Variants in FAM193A observed in about 807,000 individuals in gnomAD.
The protein encoded by FAM193A is family with sequence similarity 193 member A.
FAM193A carries 22 observed loss-of-function variants against 126.5 expected under a neutral mutation model. The ratio of observed to expected loss-of-function variants is 0.17; its 90% CI spans 0.12 to 0.25. The LOEUF is 0.25. FAM193A is among the 10% of genes least tolerant of loss of function. FAM193A has a pLI of 1.00. For synonymous variants in FAM193A, 761 were observed against 646.8 expected (o/e 1.18, Z -2.68); for missense variants, 1,675 against 1,672.8 (o/e 1.00, Z -0.02).
intron 1 of FAM193A, among the ~76,000 whole-genome samples, chr4:2,574,053 T>C (rs759249186): frequency 2.6e-5 from 4 of 152,236 alleles, no homozygotes; most frequent in Middle Eastern, 3.4e-3. Flanking sequence ...TATTGTGTTA[T>C]GAGGGGATTG....
chr4:2,574,550 C>G (rs1180376504), intron 1 of FAM193A, among the ~76,000 whole-genome samples: 1 of 152,064 alleles, frequency 6.6e-6, no homozygotes, highest in Non-Finnish European at 1.5e-5. Flanking sequence ...TATTGACGGT[C>G]ATGGATGTGG....
At chr4:2,676,975 C>G (rs1714486869) in intron 13 of FAM193A, among the ~76,000 whole-genome samples, 1 of 152,084 alleles carries the variant, frequency 6.6e-6, no homozygotes, top group East Asian at 1.9e-4. Flanking sequence ...TCCAATTTGT[C>G]TATTCTTTGT....
At chr4:2,609,143 C>T (rs111379769) in intron 2 of FAM193A, among the ~76,000 whole-genome samples, 31 of 152,156 alleles carry the variant, frequency 2.0e-4, no homozygotes, top group African/African-American at 6.5e-4. Context: ...CCACCCGCCT[C>T]GGCCTTCCAA....
At chr4:2,554,125 C>T (rs1173258620) in intron 1 of FAM193A, among the ~76,000 whole-genome samples, 8 of 152,208 alleles carry the variant, frequency 5.3e-5, no homozygotes, top group African/African-American at 1.9e-4. Context: ...TACTCTGTCA[C>T]CCAGGCTGGA....
intron 1 of FAM193A, among the ~76,000 whole-genome samples, chr4:2,586,928 C>T (rs983611018): frequency 3.9e-5 from 6 of 152,208 alleles, no homozygotes; most frequent in Admixed American, 2.6e-4. Flanking sequence ...GCTGGGATTA[C>T]AGGAGTCAGC....
intron 1 of FAM193A, among the ~76,000 whole-genome samples, chr4:2,572,623 G>A (rs779974466): frequency 3.3e-5 from 5 of 152,108 alleles, no homozygotes; most frequent in Non-Finnish European, 7.3e-5. Context: ...ACAGCCTGGT[G>A]TGGGAGGCGA....
At chr4:2,731,243 C>T (rs928479759) in intron 20 of FAM193A, among the ~76,000 whole-genome samples, 11 of 148,434 alleles carry the variant, frequency 7.4e-5, no homozygotes, top group African/African-American at 2.7e-4. Context: ...GTGGTACATG[C>T]CTGTAGTCCT....
At chr4:2,555,515 A>G (rs1738194088) in intron 1 of FAM193A, among the ~76,000 whole-genome samples, 1 of 152,204 alleles carries the variant, frequency 6.6e-6, no homozygotes, top group Non-Finnish European at 1.5e-5. Flanking sequence ...GCAGTGGTTT[A>G]CAACCATAAT....
At chr4:2,545,876 G>T (rs1309732956) in intron 1 of FAM193A, among the ~76,000 whole-genome samples, 1 of 152,112 alleles carries the variant, frequency 6.6e-6, no homozygotes, top group Non-Finnish European at 1.5e-5. Flanking sequence ...AAGGCCAGGT[G>T]CGGTGGCTCA....
At chr4:2,728,540 C>T (rs1332472304) in intron 20 of FAM193A, among the ~76,000 whole-genome samples, 2 of 152,004 alleles carry the variant, frequency 1.3e-5, no homozygotes, top group South Asian at 2.1e-4. Flanking sequence ...GCACCCTATT[C>T]GCAGCTAGCA....
intron 1 of FAM193A, among the ~76,000 whole-genome samples, chr4:2,550,733 T>C (rs75750506): frequency 6.6e-6 from 1 of 151,350 alleles, no homozygotes; most frequent in Non-Finnish European, 1.5e-5. Flanking sequence ...ACCACGCCTG[T>C]TGGTTGTTTT....
intron 8 of FAM193A, among the ~76,000 whole-genome samples, chr4:2,659,012 A>G (rs572656965): frequency 6.6e-6 from 1 of 152,246 alleles, no homozygotes; most frequent in East Asian, 1.9e-4. Context: ...CTGCCTCCCA[A>G]GGTGCTGGGA....
intron 2 of FAM193A, among the ~76,000 whole-genome samples, chr4:2,616,074 TAAG>T (rs1358042180): frequency 1.3e-5 from 2 of 152,126 alleles, no homozygotes; most frequent in East Asian, 3.9e-4. Context: ...GTGCTTGGGT[TAAG>T]GCTTGAGCCA....
chr4:2,622,257 C>CAAAAAAAAAAAA (rs71178493), intron 2 of FAM193A, among the ~76,000 whole-genome samples: 25 of 55,572 alleles, frequency 4.5e-4, no homozygotes, highest in African/African-American at 1.7e-3. Flanking sequence ...ACCCTGTCTC[C>CAAAAAAAAAAAA]AAAAAAAAAA....
intron 12 of FAM193A, among the ~76,000 whole-genome samples, chr4:2,668,902 G>A (rs1379688046): frequency 2.0e-5 from 3 of 151,332 alleles, no homozygotes; most frequent in Non-Finnish European, 4.4e-5. Context: ...GAGTGCAGTG[G>A]CACAATTTTG....
intron 1 of FAM193A, among the ~76,000 whole-genome samples, chr4:2,593,075 C>CTATGGCCCATGA (rs1449990220): frequency 6.6e-6 from 1 of 152,188 alleles, no homozygotes; most frequent in Non-Finnish European, 1.5e-5. Context: ...AACAACCCTC[C>CTATGGCCCATGA]TATGGCCCAT....
intron 2 of FAM193A, among the ~76,000 whole-genome samples, chr4:2,603,042 C>T (rs893962386): frequency 7.2e-6 from 1 of 138,092 alleles, no homozygotes; most frequent in Non-Finnish European, 1.5e-5. Flanking sequence ...CATCTCAGCT[C>T]ACTGCAGGCT....
chr4:2,544,837 C>G (rs953759824), intron 1 of FAM193A, among the ~76,000 whole-genome samples: 1 of 151,996 alleles, frequency 6.6e-6, no homozygotes, highest in Non-Finnish European at 1.5e-5. Context: ...ACCACAACAG[C>G]ACTTCAACCT....
rs1713886683 is a variant in FAM193A at position 2,672,215 on chromosome 4, C to T, written c.2174C>T (p.Pro725Leu). ...GCAATGACAGCCGGAGCCCTTCCTC[C>T]TGGCCATCAGTTCTTGAGCCCAGAG... ...PSAMTAGALP[P>L]GHQFLSPEKP... Residue 725 changes from proline to leucine, a missense_variant, in exon 13 of 21, where the codon CCT becomes CTT. Pro to Leu is a moderately conservative substitution (Grantham distance 98, BLOSUM62 -3). Around this residue, in one of 4 missense-constraint regions of FAM193A, gnomAD observed 1,186 missense variants for 1,109.2 expected, o/e 1.07. Coordinates refer to ENST00000637812, the MANE Select transcript of FAM193A (RefSeq NM_001366318.2). 6.2e-7 allele frequency: 1 copy of T among 1,614,242 alleles called. No individual in the cohort carries two copies. The highest frequency in any genetic ancestry group is 8.5e-7 in the Non-Finnish European group (1 of 1,180,046).
Sources: allele counts gnomAD v4.1 joint callset (sites outside exome capture counted in the v4.1 genomes callset), GRCh38; gene constraint gnomAD v4.1.1; regional missense constraint gnomAD v4.1.1; transcripts MANE v1.5; gene names NCBI Gene and HGNC (gene_info 2026-07-23, HGNC 2026-07-21).